Variants in SND1 observed in about 807,000 individuals in gnomAD.
The protein encoded by SND1 is staphylococcal nuclease domain-containing protein 1.
A neutral mutation model predicts 121.7 loss-of-function variants in SND1; 38 were observed. The observed-to-expected ratio is 0.31, with a 90% confidence interval of 0.24 to 0.41. SND1 has a LOEUF of 0.41. SND1 is among the 10% of genes least tolerant of loss of function. The pLI is 1.00. For missense variants in SND1, 868 were observed against 1,184.6 expected (o/e 0.73, Z 3.92); for synonymous variants, 401 against 447.4 (o/e 0.90, Z 1.31).
intron 17 of SND1, among the ~76,000 whole-genome samples, chr7:128,075,057 T>C (rs1793484519): frequency 6.6e-6 from 1 of 152,136 alleles, no homozygotes; most frequent in Non-Finnish European, 1.5e-5. Flanking sequence ...GTCAGTGCCC[T>C]CAGGACTGGG....
At chr7:127,883,165 T>G (rs1799827550) in intron 12 of SND1, among the ~76,000 whole-genome samples, 1 of 152,092 alleles carries the variant, frequency 6.6e-6, no homozygotes, top group Non-Finnish European at 1.5e-5. Context: ...CATCTTCCCC[T>G]CTAGTTAATT....
intron 15 of SND1, among the ~76,000 whole-genome samples, chr7:127,959,699 A>G (rs1176257993): frequency 1.3e-5 from 2 of 152,106 alleles, no homozygotes; most frequent in Non-Finnish European, 1.5e-5. Flanking sequence ...TCACCATCCA[A>G]CATGGTATGC....
rs1183922697 is a variant in SND1 at position 127,684,580 on chromosome 7, CTGTT to C, written c.79-2032_79-2029del. Among the ~76,000 whole-genome samples the C allele has an allele frequency of 4.6e-5, 7 of 152,092 alleles. No homozygotes were observed. In the South Asian group the frequency reaches 6.2e-4, roughly 13 times the overall value. ...TCAAGCAGCCTCTACTCTAGTATACCTGTTCTTTCCTGGCTTTGTTTGGTTTGAG... is the reference window on the plus strand; with the variant it reads ...TCAAGCAGCCTCTACTCTAGTATACCCTTTCCTGGCTTTGTTTGGTTTGAG... On this transcript the variant is annotated intron_variant, in intron 1 of 23. Transcript: ENST00000354725.
At position 128,029,363 on chromosome 7, in the gene SND1, C is replaced by T. The variant is rs1792505440; in HGVS notation, c.1779+38307C>T. 6.2e-7 allele frequency: 1 copy of T among 1,614,160 alleles called. No individual in the cohort carries two copies. The highest frequency in any genetic ancestry group is 8.5e-7 in the Non-Finnish European group (1 of 1,180,040). On this transcript the variant is annotated intron_variant, in intron 16 of 23. Coordinates refer to ENST00000354725, the MANE Select transcript of SND1 (RefSeq NM_014390.4). This position sits in a 1 kb window ranked among gnomAD's most constrained non-coding sequence, Gnocchi z 4.2. The stretch of plus-strand genomic sequence containing the variant: ...CGTTGGAGTTGCCTGCAACATTGGT[C>T]ACCATGCATGTGTACACCCCAGTGT...
intron 18 of SND1, among the ~76,000 whole-genome samples, chr7:128,083,175 G>C (rs780683228): frequency 2.6e-5 from 4 of 152,204 alleles, no homozygotes; most frequent in Non-Finnish European, 5.9e-5. Flanking sequence ...CTTCAAGAGG[G>C]ATCTGACGAA....
chr7:127,707,092 T>G (rs1007613785), intron 8 of SND1, among the ~76,000 whole-genome samples: 3 of 152,232 alleles, frequency 2.0e-5, no homozygotes, highest in Non-Finnish European at 2.9e-5. Flanking sequence ...TATGAGGATT[T>G]TGTTCATTTT....
At chr7:127,842,000 T>C (rs1798974310) in intron 11 of SND1, among the ~76,000 whole-genome samples, 1 of 152,188 alleles carries the variant, frequency 6.6e-6, no homozygotes, top group African/African-American at 2.4e-5. Context: ...ATTCTGCTGC[T>C]TCTAAAGCAT....
At chr7:128,070,390 C>T (rs767023567) in intron 16 of SND1, among the ~76,000 whole-genome samples, 2 of 152,336 alleles carry the variant, frequency 1.3e-5, no homozygotes, top group African/African-American at 2.4e-5. Flanking sequence ...CACATGTGCA[C>T]GTCAGTGCAT....
chr7:127,766,771 CAAAAA>C (rs59243807), intron 10 of SND1, among the ~76,000 whole-genome samples: 41 of 33,208 alleles, frequency 1.2e-3, no homozygotes, highest in East Asian at 0.011. Context: ...GACTTTGTCT[CAAAAA>C]AAAAAAAAAA....
At chr7:127,657,290 C>G (rs916669435) in intron 1 of SND1, among the ~76,000 whole-genome samples, 10 of 151,916 alleles carry the variant, frequency 6.6e-5, no homozygotes, top group Admixed American at 1.3e-4. Context: ...ATAGTGATAC[C>G]AGGTAAGGGA....
At chr7:127,826,002 C>T (rs1798636670) in intron 11 of SND1, among the ~76,000 whole-genome samples, 1 of 151,994 alleles carries the variant, frequency 6.6e-6, no homozygotes, top group Non-Finnish European at 1.5e-5. Flanking sequence ...ACCACCTGGC[C>T]AACATGGCGA....
intron 11 of SND1, among the ~76,000 whole-genome samples, chr7:127,837,363 G>GTTAT (rs1798886284): frequency 6.6e-6 from 1 of 152,144 alleles, no homozygotes; most frequent in African/African-American, 2.4e-5. Flanking sequence ...GTTATATATT[G>GTTAT]ACACGATGTT....
intron 11 of SND1, among the ~76,000 whole-genome samples, chr7:127,816,863 A>G (rs534262600): frequency 3.3e-5 from 5 of 151,986 alleles, no homozygotes; most frequent in Admixed American, 3.3e-4. Flanking sequence ...GGGTTTCACC[A>G]TGTTGGCTAG....
At chr7:127,840,293 GT>G (rs1015578477) in intron 11 of SND1, among the ~76,000 whole-genome samples, 2 of 152,126 alleles carry the variant, frequency 1.3e-5, no homozygotes, top group African/African-American at 4.8e-5. Context: ...TAGTGCTCTC[GT>G]TTTTAAGGTC....
At chr7:127,966,206 G>A (rs1273734533) in intron 15 of SND1, among the ~76,000 whole-genome samples, 2 of 151,764 alleles carry the variant, frequency 1.3e-5, no homozygotes, top group Non-Finnish European at 2.9e-5. Flanking sequence ...TCAAAAGCAG[G>A]TCCTGAGTGA....
At chr7:128,086,893 G>C (rs1168897391) in intron 20 of SND1, 45 bp from the exon 21 acceptor site, 1 of 1,465,996 alleles carries the variant, frequency 6.8e-7, no homozygotes, top group Non-Finnish European at 9.6e-7. Flanking sequence ...AGAGAGCAAG[G>C]GGGCAGCGAG....
At chr7:127,823,581 A>C (rs2116609724) in intron 11 of SND1, among the ~76,000 whole-genome samples, 1 of 152,328 alleles carries the variant, frequency 6.6e-6, no homozygotes. Context: ...TCTCAGACTT[A>C]CTAAAGCTCA....
At chr7:127,821,219 AGTTGATGGGCCAGT>A (rs1260334395) in intron 11 of SND1, among the ~76,000 whole-genome samples, 2 of 152,196 alleles carry the variant, frequency 1.3e-5, no homozygotes, top group African/African-American at 4.8e-5. Context: ...GAGGAATTCT[AGTTGATGGGCCAGT>A]GTATGTGTGT....
At chr7:127,917,856 C>T (rs1442527771) in intron 14 of SND1, among the ~76,000 whole-genome samples, 1 of 152,168 alleles carries the variant, frequency 6.6e-6, no homozygotes, top group African/African-American at 2.4e-5. Flanking sequence ...AAACTGTTTC[C>T]ACATCAGTTT....
Sources: gnomAD v4.1 joint callset for allele counts (sites outside exome capture counted in the v4.1 genomes callset) on GRCh38, gnomAD v4.1.1 for gene constraint, Gnocchi (gnomAD v3.1) non-coding constraint, MANE v1.5 for transcripts, NCBI Gene and HGNC (gene_info 2026-07-23, HGNC 2026-07-21) for gene names.